LPCAT2: variants seen among roughly 807,000 people sequenced by gnomAD.
LPCAT2 encodes 1-AGP acyltransferase 11.
A neutral mutation model predicts 64.7 loss-of-function variants in LPCAT2; 58 were observed. That is an observed-to-expected ratio of 0.90 (90% CI 0.73 to 1.12). The LOEUF is 1.12. LPCAT2 is among the 50% of genes most tolerant of loss of function. The pLI, the probability that LPCAT2 is intolerant of heterozygous loss-of-function variation, is 0.00. For missense variants in LPCAT2, 579 were observed against 669.8 expected, an observed-to-expected ratio of 0.86 and a Z score of 1.50; for synonymous variants, 252 against 245.3, an observed-to-expected ratio of 1.03 and a Z score of -0.26.
chr16:55,528,641 C>A, intron 3 of LPCAT2, 47 bp downstream of exon 3: 1 of 1,398,556 alleles, frequency 7.2e-7, no homozygotes, highest in Non-Finnish European at 1.0e-6. Context: ...CATGCTCATG[C>A]TTTAAATTAA....
At chr16:55,547,863 G>A (rs1442680055) in intron 9 of LPCAT2, among the ~76,000 whole-genome samples, 1 of 152,154 alleles carries the variant, frequency 6.6e-6, no homozygotes, top group East Asian at 1.9e-4. Flanking sequence ...CGCCTCCTGG[G>A]TTCAAGTGAT....
intron 11 of LPCAT2, among the ~76,000 whole-genome samples, chr16:55,562,222 G>T (rs1230419696): frequency 2.6e-5 from 4 of 151,756 alleles, no homozygotes; most frequent in Non-Finnish European, 5.9e-5. Flanking sequence ...ACCATCTCTT[G>T]AATACCTCAT....
intron 1 of LPCAT2, among the ~76,000 whole-genome samples, chr16:55,519,788 A>G (rs1596848674): frequency 6.6e-6 from 1 of 152,180 alleles, no homozygotes; most frequent in Admixed American, 6.5e-5. Context: ...ATGGAATTGT[A>G]CTTTTCTTAC....
At chr16:55,574,515 C>A in intron 11 of LPCAT2, 116 bp from the exon 12 acceptor site, 1 of 720,722 alleles carries the variant, frequency 1.4e-6, no homozygotes, top group Non-Finnish European at 2.5e-6. Context: ...AGACTTTTCT[C>A]CAAATAGTGA....
chr16:55,581,295 A>G (rs573079912), intron 13 of LPCAT2, among the ~76,000 whole-genome samples: 127 of 152,300 alleles, frequency 8.3e-4, no homozygotes, highest in South Asian at 1.4e-3. Context: ...AACTTCATCT[A>G]TTTTTATTTT....
At position 55,530,115 on chromosome 16, in the gene LPCAT2, C is replaced by T. The variant is rs536606151; in HGVS notation, c.642+168C>T. On this transcript the variant is annotated intron_variant, in intron 4 of 13. Coordinates refer to ENST00000262134, the MANE Select transcript of LPCAT2 (RefSeq NM_017839.5). ...ACAGTAGCCAGTATTAAGAAGTCCT[C>T]TTCCCCATGAGATACTCTATGGAAT... 8.5e-5 allele frequency among the ~76,000 whole-genome samples: 13 copies of T among 152,186 alleles called. No individual in the cohort carries two copies. In the East Asian group the frequency reaches 2.5e-3, roughly 29 times the overall value.
intron 1 of LPCAT2, among the ~76,000 whole-genome samples, chr16:55,509,724 C>T (rs1962899811): frequency 6.6e-6 from 1 of 151,974 alleles, no homozygotes; most frequent in Admixed American, 6.6e-5. Context: ...GGCCGTGAGC[C>T]TGAAAGGGGC....
chr16:55,519,069 G>C (rs535107500), intron 1 of LPCAT2, among the ~76,000 whole-genome samples: 29 of 139,288 alleles, frequency 2.1e-4, no homozygotes, highest in Admixed American at 3.8e-4. Context: ...ATAACTCTTA[G>C]AACTCACCAA....
At chr16:55,543,424 T>TA (rs1349058587) in intron 8 of LPCAT2, among the ~76,000 whole-genome samples, 2 of 152,214 alleles carry the variant, frequency 1.3e-5, no homozygotes, top group African/African-American at 4.8e-5. Context: ...AAATCAAGTG[T>TA]ATTACAAATG....
Position 55,584,456 on chromosome 16 carries a change from T to C in LPCAT2, c.*1358T>C, listed in dbSNP as rs1218094899. On this transcript the variant is annotated 3_prime_UTR_variant, in exon 14 of 14. Coordinates refer to ENST00000262134, the MANE Select transcript of LPCAT2 (RefSeq NM_017839.5). ...TCCTTTAGGTTAAGCAGTAATTTTT[T>C]TGAATTGTCATTTTTAATGGGTCTC... is the stretch of plus-strand genomic sequence containing the variant. 6.6e-6 allele frequency: 1 copy of C among 152,224 alleles called. No individual in the cohort carries two copies. The highest frequency in any genetic ancestry group is 1.5e-5 in the Non-Finnish European group (1 of 68,034). 9.4% of individuals were successfully genotyped at this position (152,224 alleles called of 1,614,324 possible). A position where few individuals can be genotyped will look rare whatever the true frequency, so the allele number is the denominator to read the frequency against.
chr16:55,576,312 A>G (rs1208804161), intron 12 of LPCAT2, among the ~76,000 whole-genome samples: 1 of 151,740 alleles, frequency 6.6e-6, no homozygotes, highest in Non-Finnish European at 1.5e-5. Flanking sequence ...ATCCTTTTAC[A>G]TATAGGATTC....
intron 11 of LPCAT2, among the ~76,000 whole-genome samples, chr16:55,572,321 G>T (rs915704601): frequency 4.6e-5 from 7 of 152,244 alleles, no homozygotes; most frequent in African/African-American, 1.7e-4. Context: ...ATTCAAAGGG[G>T]TATTTCCAAT....
chr16:55,551,103 G>T lies in LPCAT2; in HGVS notation c.1215+1G>T. ...ACAACTTTTTGCACTCTTTGACAGG[G>T]TATGTTAAAATTTAATCTTTCACAT... On this transcript the variant is annotated splice_donor_variant, in intron 11 of 13. Coordinates refer to ENST00000262134, the MANE Select transcript of LPCAT2 (RefSeq NM_017839.5). LOFTEE classifies it high-confidence loss of function. 1 of 1,603,538 alleles carries T rather than the reference G, an allele frequency of 6.2e-7. No individual in the cohort carries two copies. The highest frequency in any genetic ancestry group is 8.5e-7 in the Non-Finnish European group (1 of 1,173,824).
At chr16:55,519,335 C>CT (rs1476813797) in intron 1 of LPCAT2, among the ~76,000 whole-genome samples, 1 of 144,460 alleles carries the variant, frequency 6.9e-6, no homozygotes, top group African/African-American at 2.5e-5. Flanking sequence ...CCCGTCTCTA[C>CT]TAAAAAAAAA....
At chr16:55,580,517 C>G (rs1237603291) in intron 13 of LPCAT2, among the ~76,000 whole-genome samples, 1 of 152,048 alleles carries the variant, frequency 6.6e-6, no homozygotes, top group African/African-American at 2.4e-5. Flanking sequence ...CAACCTTTTT[C>G]TTTGCAGAAT....
chr16:55,562,593 A>G (rs1428835831), intron 11 of LPCAT2, among the ~76,000 whole-genome samples: 4 of 151,950 alleles, frequency 2.6e-5, no homozygotes, highest in Non-Finnish European at 5.9e-5. Context: ...GTGAACACAG[A>G]CTTCATATTA....
At chr16:55,536,598 T>G (rs1263494112) in intron 7 of LPCAT2, among the ~76,000 whole-genome samples, 1 of 152,206 alleles carries the variant, frequency 6.6e-6, no homozygotes, top group Non-Finnish European at 1.5e-5. Context: ...ACTAAATTCT[T>G]AAGCTCCTAC....
chr16:55,528,520 G>A lies in LPCAT2; in HGVS notation c.455G>A (p.Gly152Glu). The change falls in exon 3 of 14, where the codon GGA (glycine) becomes GAA (glutamate). Residue 152 changes from glycine to glutamate, a missense_variant. Gly to Glu is a moderately conservative substitution (Grantham distance 98). Coordinates refer to ENST00000262134, the MANE Select transcript of LPCAT2 (RefSeq NM_017839.5). Reference protein sequence around the residue: ...VAAPHSTFFDGIACVVAGLPS... With the variant: ...VAAPHSTFFDEIACVVAGLPS... ...GCCCCTCATTCAACATTCTTTGATGGAATTGCCTGTGTTGTAGCTGGGTTA... is the reference window on the plus strand; with the variant it reads ...GCCCCTCATTCAACATTCTTTGATGAAATTGCCTGTGTTGTAGCTGGGTTA... The A allele has an allele frequency of 1.9e-6, 3 of 1,613,982 alleles. No homozygotes were observed. The highest frequency in any genetic ancestry group is 1.7e-5 in the Admixed American group (1 of 59,970).
rs1294243558 is a variant in LPCAT2, at chr16:55,583,884, TG to T, written c.*787del. ...TTTTAGTAGCCATGTGGTTTTGCCATGTTGGCCAGGCTGGTTTCGAACTCCT... is the reference window on the plus strand; with the variant it reads ...TTTTAGTAGCCATGTGGTTTTGCCATTTGGCCAGGCTGGTTTCGAACTCCT... On this transcript the variant is annotated 3_prime_UTR_variant, in exon 14 of 14. Coordinates refer to ENST00000262134, the MANE Select transcript of LPCAT2 (RefSeq NM_017839.5). 3.9e-5 allele frequency: 6 copies of T among 152,224 alleles called. No homozygotes were observed. Among genetic ancestry groups the T allele is most frequent in the African/African-American group, 1.4e-4 (6 of 41,434 alleles). The allele number at this position is 152,224 out of a possible 1,614,324, so 9.4% of individuals were successfully genotyped here.
Sources: gnomAD v4.1 joint callset for allele counts (sites outside exome capture counted in the v4.1 genomes callset) on GRCh38, gnomAD v4.1.1 for gene constraint, MANE v1.5 for transcripts, NCBI Gene and HGNC (gene_info 2026-07-23, HGNC 2026-07-21) for gene names.